PLS1: variants seen among roughly 807,000 people sequenced by gnomAD.
PLS1 encodes the protein plastin 1.
In PLS1, 32 loss-of-function variants were observed where a neutral mutation model predicts 73.7. That is an observed-to-expected ratio of 0.43 (90% CI 0.33 to 0.58). The LOEUF (loss-of-function observed/expected upper bound fraction) is 0.58. PLS1 is among the 20% of genes least tolerant of loss of function. The pLI is 0.04. For missense variants in PLS1, 633 were observed against 740.5 expected, an observed-to-expected ratio of 0.85 and a Z score of 1.68; for synonymous variants, 217 against 261.3, an observed-to-expected ratio of 0.83 and a Z score of 1.63.
rs141365599 is a variant in PLS1 at position 142,613,676 on chromosome 3, G to A, written c.-37+17167G>A. 1.8e-3 allele frequency among the ~76,000 whole-genome samples: 275 copies of A among 152,262 alleles called. 1 individual carries two copies. The highest frequency in any genetic ancestry group is 6.3e-3 in the African/African-American group (260 of 41,550). On this transcript the variant is annotated intron_variant, in intron 1 of 15. Coordinates refer to ENST00000457734, the MANE Select transcript of PLS1 (RefSeq NM_001145319.2). ...CCACACTTGTGCCACCCTGGGGTGC[G>A]TCTCTTGCTGTAACACTGAGGTCAT...
At chr3:142,665,121 C>T (rs932616883) in intron 2 of PLS1, among the ~76,000 whole-genome samples, 10 of 151,874 alleles carry the variant, frequency 6.6e-5, no homozygotes, top group African/African-American at 2.4e-4. Context: ...TAGAGCCCTC[C>T]ATGAAAAACA....
chr3:142,658,476 C>CAA (rs56710799), intron 1 of PLS1, among the ~76,000 whole-genome samples: 5,338 of 99,338 alleles, frequency 0.054, 331 homozygotes, highest in African/African-American at 0.17. Flanking sequence ...ACTTTGTCTC[C>CAA]AAAAAAAAAA....
At chr3:142,693,669 C>T (rs1461665059) in intron 10 of PLS1, among the ~76,000 whole-genome samples, 3 of 152,166 alleles carry the variant, frequency 2.0e-5, no homozygotes, top group African/African-American at 7.2e-5. Flanking sequence ...CATCCCTGCT[C>T]ACTTTGTGGT....
chr3:142,624,744 G>T (rs1405152126), intron 1 of PLS1, among the ~76,000 whole-genome samples: 4 of 152,232 alleles, frequency 2.6e-5, no homozygotes, highest in East Asian at 3.9e-4. Context: ...TGTTAGAGAA[G>T]TGAACACATT....
At chr3:142,639,408 G>A (rs2036780661) in intron 1 of PLS1, among the ~76,000 whole-genome samples, 1 of 152,152 alleles carries the variant, frequency 6.6e-6, no homozygotes, top group Non-Finnish European at 1.5e-5. Context: ...GGTTTTAGTA[G>A]TGGAATGGAA....
intron 1 of PLS1, among the ~76,000 whole-genome samples, chr3:142,600,999 C>T (rs2035917243): frequency 7.4e-6 from 1 of 134,822 alleles, no homozygotes; most frequent in Admixed American, 7.8e-5. Context: ...TCTCGGCTCA[C>T]TGCAAGCTCC....
intron 1 of PLS1, among the ~76,000 whole-genome samples, chr3:142,663,478 G>T (rs1344697255): frequency 1.3e-5 from 2 of 151,956 alleles, no homozygotes; most frequent in Non-Finnish European, 2.9e-5. Context: ...CAGGAGGACT[G>T]CTTAAGGCTA....
chr3:142,652,068 G>A (rs1470742597), intron 1 of PLS1, among the ~76,000 whole-genome samples: 1 of 152,168 alleles, frequency 6.6e-6, no homozygotes, highest in Non-Finnish European at 1.5e-5. Context: ...AATGGGGAGG[G>A]GCCTCTGTCT....
intron 1 of PLS1, among the ~76,000 whole-genome samples, chr3:142,601,090 A>ATT (rs1231903490): frequency 7.1e-6 from 1 of 140,112 alleles, no homozygotes; most frequent in Non-Finnish European, 1.6e-5. Flanking sequence ...CGCCCGGCTA[A>ATT]TTTTTTTTTT....
intron 1 of PLS1, among the ~76,000 whole-genome samples, chr3:142,638,973 T>C (rs1235601119): frequency 6.6e-6 from 1 of 152,120 alleles, no homozygotes. Context: ...ACTCCCGACC[T>C]CAGGTGATCT....
At chr3:142,669,315 A>G in intron 2 of PLS1, 75 bp from the exon 3 acceptor site, 1 of 809,112 alleles carries the variant, frequency 1.2e-6, no homozygotes, top group East Asian at 2.8e-5. Context: ...ACATCTATGA[A>G]TCCTCCCAAA....
chr3:142,634,023 A>G (rs962626296), intron 1 of PLS1, among the ~76,000 whole-genome samples: 3 of 152,248 alleles, frequency 2.0e-5, no homozygotes, highest in Non-Finnish European at 2.9e-5. Context: ...GATAAAACCT[A>G]CAGCACTTGA....
At chr3:142,705,863 C>G (rs377533403) in intron 14 of PLS1, among the ~76,000 whole-genome samples, 3 of 152,150 alleles carry the variant, frequency 2.0e-5, no homozygotes, top group Admixed American at 6.6e-5. Context: ...TTTCCACCCC[C>G]CCTTTTCTAT....
intron 1 of PLS1, among the ~76,000 whole-genome samples, chr3:142,662,403 A>G (rs2107822115): frequency 6.6e-6 from 1 of 152,084 alleles, no homozygotes; most frequent in Middle Eastern, 3.4e-3. Context: ...AACATCACAC[A>G]CCAGGGTCTA....
chr3:142,635,967 G>A (rs2036678978), intron 1 of PLS1, among the ~76,000 whole-genome samples: 1 of 152,126 alleles, frequency 6.6e-6, no homozygotes, highest in African/African-American at 2.4e-5. Context: ...ATAGCTCACT[G>A]CAGCCTTGAC....
intron 1 of PLS1, among the ~76,000 whole-genome samples, chr3:142,628,350 TGTGCATGCAGTGTGCATGTGTGC>T (rs1560037260): frequency 6.6e-5 from 2 of 30,262 alleles, no homozygotes; most frequent in African/African-American, 6.8e-4. Flanking sequence ...TGCGCGCACA[TGTGCATGCAGTGTGCATGTGTGC>T]GCGCACATGT....
rs151265259 is a variant in PLS1, at chr3:142,608,778, C to T, written c.-37+12269C>T. Reference sequence around the variant, plus strand: ...ATTGGTTGGTCCGGTTAACAGCATACCTGTTGACTGCTAACAAAGGGAAAC... The same window carrying T: ...ATTGGTTGGTCCGGTTAACAGCATATCTGTTGACTGCTAACAAAGGGAAAC... On this transcript the variant is annotated intron_variant, in intron 1 of 15. Coordinates refer to ENST00000457734, the MANE Select transcript of PLS1 (RefSeq NM_001145319.2). Among the ~76,000 whole-genome samples the T allele has an allele frequency of 3.1e-3, 476 of 152,334 alleles. 1 individual carries two copies. Among genetic ancestry groups the T allele is most frequent in the African/African-American group, 0.01 (431 of 41,574 alleles).
intron 1 of PLS1, among the ~76,000 whole-genome samples, chr3:142,633,551 G>C (rs952914595): frequency 6.6e-6 from 1 of 152,152 alleles, no homozygotes; most frequent in Non-Finnish European, 1.5e-5. Flanking sequence ...AGCTACTCGG[G>C]GGGCTGAGGC....
intron 11 of PLS1, 121 bp from the exon 12 acceptor site, chr3:142,697,832 T>C: frequency 1.7e-6 from 1 of 593,350 alleles, no homozygotes; most frequent in South Asian, 2.3e-5. Flanking sequence ...TGTCCTGTCA[T>C]TCTTTAAGAA....
Sources: allele counts gnomAD v4.1 joint callset (sites outside exome capture counted in the v4.1 genomes callset), GRCh38; gene constraint gnomAD v4.1.1; transcripts MANE v1.5; gene names NCBI Gene and HGNC (gene_info 2026-07-23, HGNC 2026-07-21).